GRM4: variants seen among roughly 807,000 people sequenced by gnomAD.
The protein encoded by GRM4 is glutamate metabotropic receptor 4, also known as metabotropic glutamate receptor 4.
A neutral mutation model predicts 81.7 loss-of-function variants in GRM4; 28 were observed. That is an observed-to-expected ratio of 0.34 (90% CI 0.25 to 0.47). The LOEUF (loss-of-function observed/expected upper bound fraction) is 0.47. Among genes scored for constraint, GRM4 ranks in the 20% least tolerant of loss-of-function variants. The pLI is 1.00. For missense variants in GRM4, 948 were observed against 1,290.0 expected (o/e 0.73, Z 4.06); for synonymous variants, 488 against 528.8 (o/e 0.92, Z 1.06).
In GRM4 at chr6:34,020,343, G is replaced by A. The variant is rs571353268; in HGVS notation, c.*2478C>T. 3.9e-5 allele frequency: 6 copies of A among 152,442 alleles called. No individual in the cohort carries two copies. The highest frequency in any genetic ancestry group is 1.4e-4 in the African/African-American group (6 of 41,546). 9.4% of individuals were successfully genotyped at this position (152,442 alleles called of 1,614,324 possible). A position where few individuals can be genotyped will look rare whatever the true frequency, so the allele number is the denominator to read the frequency against. Reference sequence around the variant, plus strand: ...CACAGATGTAGGGGGACCTAGGCAAGTCCTGGACTGAGCATGAAACCCCTG... The same window carrying A: ...CACAGATGTAGGGGGACCTAGGCAAATCCTGGACTGAGCATGAAACCCCTG... On this transcript the variant is annotated 3_prime_UTR_variant, in exon 11 of 11. Transcript: ENST00000538487.
chr6:34,154,081 G>T (rs540445388), intron 1 of GRM4, among the ~76,000 whole-genome samples: 86 of 152,364 alleles, frequency 5.6e-4, no homozygotes, highest in Middle Eastern at 3.4e-3. Flanking sequence ...TGTGTTAAAG[G>T]CTAGGCTCTT....
chr6:34,062,050 G>A (rs1233459957), intron 3 of GRM4, 22 bp from the exon 4 acceptor site: 4 of 1,596,990 alleles, frequency 2.5e-6, no homozygotes, highest in Admixed American at 3.4e-5. Context: ...GCACCAGTTA[G>A]TTGGGGTGGG....
At chr6:34,099,474 G>C (rs1016689138) in intron 2 of GRM4, among the ~76,000 whole-genome samples, 4 of 152,122 alleles carry the variant, frequency 2.6e-5, no homozygotes, top group African/African-American at 9.7e-5. Context: ...ACGGCATTGG[G>C]GATCAATTAT....
At chr6:34,030,948 C>G (rs367882000) in intron 9 of GRM4, among the ~76,000 whole-genome samples, 2 of 152,218 alleles carry the variant, frequency 1.3e-5, no homozygotes, top group South Asian at 4.1e-4. Context: ...GTGGGGCTGC[C>G]CACCGCCAGT....
intron 3 of GRM4, among the ~76,000 whole-genome samples, chr6:34,073,235 ATGC>A (rs1172195488): frequency 0.13 from 36 of 278 alleles, no homozygotes; most frequent in Non-Finnish European, 0.29. Context: ...CACCAAATAC[ATGC>A]CACACACACA....
intron 2 of GRM4, chr6:34,106,041 A>G (rs772607387): frequency 6.6e-6 from 1 of 152,256 alleles, no homozygotes; most frequent in Non-Finnish European, 1.5e-5. Flanking sequence ...TCCCACACAC[A>G]TGCACAGTGC....
At chr6:34,083,599 A>G (rs1767724538) in intron 3 of GRM4, among the ~76,000 whole-genome samples, 1 of 152,170 alleles carries the variant, frequency 6.6e-6, no homozygotes, top group Non-Finnish European at 1.5e-5. Context: ...CCTGGTTGAT[A>G]GGTTAGAATG....
chr6:34,109,468 C>T (rs1439969571), intron 2 of GRM4, among the ~76,000 whole-genome samples: 1 of 152,130 alleles, frequency 6.6e-6, no homozygotes, highest in Non-Finnish European at 1.5e-5. Flanking sequence ...AGGGGCCACC[C>T]ACCCCAGTCA....
intron 3 of GRM4, among the ~76,000 whole-genome samples, chr6:34,072,600 A>C (rs1396737464): frequency 4.4e-5 from 5 of 112,816 alleles, no homozygotes; most frequent in African/African-American, 4.6e-5. Flanking sequence ...GATACAGACC[A>C]CACACACACA....
At chr6:34,071,933 CACAG>C (rs1460290637) in intron 3 of GRM4, among the ~76,000 whole-genome samples, 96 of 48,664 alleles carry the variant, frequency 2.0e-3, no homozygotes, top group African/African-American at 4.8e-3. Context: ...ACACAGCACA[CACAG>C]ACACACACAT....
At position 34,111,788 on chromosome 6, in the gene GRM4, C is replaced by T. The variant is rs753570941; in HGVS notation, c.520-19689G>A. 3.9e-5 allele frequency among the ~76,000 whole-genome samples: 6 copies of T among 152,218 alleles called. No individual in the cohort carries two copies. The highest frequency in any genetic ancestry group is 6.5e-5 in the Admixed American group (1 of 15,292). On this transcript the variant is annotated intron_variant, in intron 2 of 10. Transcript: ENST00000538487. This position sits in a 1 kb window ranked among gnomAD's most constrained non-coding sequence, Gnocchi z 5.1. The stretch of plus-strand genomic sequence containing the variant: ...CTTGGGGATGCCCAGAGGCTGCCCC[C>T]CGGGACACCATGGGCTGATGTTGGC...
Position 34,022,541 on chromosome 6 carries a change from C to G in GRM4, c.*280G>C. 1.9e-6 allele frequency: 1 copy of G among 520,304 alleles called. No individual in the cohort carries two copies. Among genetic ancestry groups the G allele is most frequent in the Admixed American group, 3.2e-5 (1 of 30,984 alleles). 32.2% of individuals were successfully genotyped at this position (520,304 alleles called of 1,614,324 possible). A position where few individuals can be genotyped will look rare whatever the true frequency, so the allele number is the denominator to read the frequency against. On this transcript the variant is annotated 3_prime_UTR_variant, in exon 11 of 11. Coordinates refer to ENST00000538487, the MANE Select transcript of GRM4 (RefSeq NM_000841.4). This position sits in a 1 kb window ranked among gnomAD's most constrained non-coding sequence, Gnocchi z 5.6. ...AGATCTAGCACTGGGGCCCACACGA[C>G]CTGAGCCCCTGTGGTTTGGGGCCGG...
chr6:34,151,643 C>T (rs952991835), intron 1 of GRM4, among the ~76,000 whole-genome samples: 48 of 152,268 alleles, frequency 3.2e-4, no homozygotes, highest in African/African-American at 1.2e-3. Flanking sequence ...CTGCAGGAGG[C>T]GGTGCCCTGG....
Position 34,103,819 on chromosome 6 carries a change from C to T in GRM4, c.520-11720G>A. Reference sequence around the variant, plus strand: ...CTCAGTCTCCTCATCTGTCCACAGGCACCACGGTGAAAGACTGGGATGTGT... The same window carrying T: ...CTCAGTCTCCTCATCTGTCCACAGGTACCACGGTGAAAGACTGGGATGTGT... On this transcript the variant is annotated intron_variant, in intron 2 of 10. Transcript: ENST00000538487. 3.5e-6 allele frequency: 5 copies of T among 1,432,620 alleles called. No individual in the cohort carries two copies. In the South Asian group the frequency reaches 4.5e-5, roughly 13 times the overall value. 88.7% of individuals were successfully genotyped at this position (1,432,620 alleles called of 1,614,324 possible).
rs763024964 is a variant in GRM4, at chr6:34,074,274, T to C, written c.737-12246A>G. Among the ~76,000 whole-genome samples the C allele has an allele frequency of 6.6e-6, 1 of 152,194 alleles. No homozygotes were observed. The highest frequency in any genetic ancestry group is 1.5e-5 in the Non-Finnish European group (1 of 68,022). ...ACGTTGCCCACTCTCCAACCCTCCA[T>C]TTCCCCATCTGTGAAATGGGATGGT... On this transcript the variant is annotated intron_variant, in intron 3 of 10. Transcript: ENST00000538487. The surrounding 1 kb of genome is among the most constrained non-coding windows in gnomAD (Gnocchi z 4.9).
Position 34,068,941 on chromosome 6 carries a change from T to G in GRM4, c.737-6913A>C, listed in dbSNP as rs1478770359. 6.6e-6 allele frequency among the ~76,000 whole-genome samples: 1 copy of G among 152,184 alleles called. No individual in the cohort carries two copies. The highest frequency in any genetic ancestry group is 2.4e-5 in the African/African-American group (1 of 41,426). On this transcript the variant is annotated intron_variant, in intron 3 of 10. Transcript: ENST00000538487. This position sits in a 1 kb window ranked among gnomAD's most constrained non-coding sequence, Gnocchi z 4.2. ...TCTCCCTTCCTTTAAAAAGAATTTTTTTTTAATTTAAAAAGAGAGGAAAAT... is the reference window on the plus strand; with the variant it reads ...TCTCCCTTCCTTTAAAAAGAATTTTGTTTTAATTTAAAAAGAGAGGAAAAT...
At chr6:34,087,942 C>T (rs1371773663) in intron 3 of GRM4, among the ~76,000 whole-genome samples, 1 of 152,002 alleles carries the variant, frequency 6.6e-6, no homozygotes, top group Non-Finnish European at 1.5e-5. Context: ...GTAGTTTTGT[C>T]TCTAGCCCCA....
chr6:34,143,046 G>A lies in GRM4; in HGVS notation c.-364+2954C>T, dbSNP rs148780119. On this transcript the variant is annotated intron_variant, in intron 1 of 10. Transcript: ENST00000538487. ...TTAAGCCTTGCCATCTTCCTCTCCC[G>A]TCTCTCTTAAATGCAGATGCCCCTG... is the stretch of plus-strand genomic sequence containing the variant. Among the ~76,000 whole-genome samples the A allele has an allele frequency of 3.0e-3, 463 of 152,286 alleles. 2 individuals are homozygous for A. Among genetic ancestry groups the A allele is most frequent in the African/African-American group, 9.5e-3 (395 of 41,568 alleles).
chr6:34,094,288 T>C (rs1340237451), intron 2 of GRM4, among the ~76,000 whole-genome samples: 2 of 152,166 alleles, frequency 1.3e-5, no homozygotes, highest in Non-Finnish European at 2.9e-5. Context: ...CCTTCTACCC[T>C]TTGTAGGTTT....
Sources: allele counts gnomAD v4.1 joint callset (sites outside exome capture counted in the v4.1 genomes callset), GRCh38; gene constraint gnomAD v4.1.1; non-coding constraint Gnocchi (gnomAD v3.1); transcripts MANE v1.5; gene names NCBI Gene and HGNC (gene_info 2026-07-23, HGNC 2026-07-21).